NBAS: variants seen among roughly 807,000 people sequenced by gnomAD.
NBAS encodes NBAS subunit of NRZ tethering complex.
NBAS carries 219 observed loss-of-function variants against 302.5 expected under a neutral mutation model. That is an observed-to-expected ratio of 0.72 (90% confidence interval 0.65 to 0.81). The LOEUF is 0.81. NBAS is among the 30% of genes least tolerant of loss of function. The pLI is 0.00. For synonymous variants in NBAS, 1,118 were observed against 1,021.6 expected (o/e 1.09, Z -1.80); for missense variants, 2,932 against 2,841.6 (o/e 1.03, Z -0.72).
At chr2:14,895,050 A>T in the NBAS span, among the ~76,000 whole-genome samples, 4 of 152,080 alleles carry the variant, frequency 2.6e-5, no homozygotes, top group Non-Finnish European at 5.9e-5. Flanking sequence ...GCGAGACTCC[A>T]ACTCAAAAAC....
the NBAS span, among the ~76,000 whole-genome samples, chr2:15,003,341 T>G: frequency 6.6e-6 from 1 of 152,146 alleles, no homozygotes; most frequent in Non-Finnish European, 1.5e-5. Context: ...ATTCTTGTAT[T>G]TATTTGCCCA....
chr2:15,529,720 G>A (rs1270636000), intron 9 of NBAS, among the ~76,000 whole-genome samples: 1 of 152,098 alleles, frequency 6.6e-6, no homozygotes, highest in African/African-American at 2.4e-5. Flanking sequence ...GCATGTCACA[G>A]CAAAACAAAG....
At chr2:15,059,479 A>G in the NBAS span, among the ~76,000 whole-genome samples, 10 of 152,184 alleles carry the variant, frequency 6.6e-5, no homozygotes. Flanking sequence ...AGATAAGCAG[A>G]TGCCCCCAGA....
At chr2:15,438,301 G>A (rs1678133651) in intron 21 of NBAS, among the ~76,000 whole-genome samples, 1 of 152,130 alleles carries the variant, frequency 6.6e-6, no homozygotes, top group South Asian at 2.1e-4. Flanking sequence ...TAAATCATAT[G>A]TTATGGGAAA....
chr2:15,551,618 C>T lies in NBAS; in HGVS notation c.336-82G>A, dbSNP rs1447989436. On this transcript the variant is annotated intron_variant, in intron 5 of 51. Coordinates refer to ENST00000281513, the MANE Select transcript of NBAS (RefSeq NM_015909.4). ...AAAATACCAGATACTGTGGACTAGA[C>T]AGCCTCTATATACAATGCTCAATCA... 3.9e-6 allele frequency: 4 copies of T among 1,029,972 alleles called. No homozygotes were observed. In the Admixed American group the frequency reaches 8.1e-5, roughly 21 times the overall value. The allele number at this position is 1,029,972 out of a possible 1,614,324, so 63.8% of individuals were successfully genotyped here. A position where few individuals can be genotyped will look rare whatever the true frequency, so the allele number is the denominator to read the frequency against.
intron 21 of NBAS, among the ~76,000 whole-genome samples, chr2:15,429,050 A>C (rs958908297): frequency 1.4e-5 from 2 of 147,984 alleles, no homozygotes; most frequent in Admixed American, 6.8e-5. Context: ...AAAAAAAAAA[A>C]AGAATAAATT....
At chr2:15,499,040 C>T (rs1681181183) in intron 11 of NBAS, among the ~76,000 whole-genome samples, 3 of 151,858 alleles carry the variant, frequency 2.0e-5, no homozygotes, top group African/African-American at 7.3e-5. Flanking sequence ...ACAATCTTCC[C>T]ACCTCAGCCT....
chr2:15,001,309 TAC>T, the NBAS span, among the ~76,000 whole-genome samples: 6 of 152,078 alleles, frequency 3.9e-5, no homozygotes, highest in African/African-American at 1.2e-4. Context: ...ATATATGTTA[TAC>T]ACACACACAG....
At chr2:14,835,101 T>G in the NBAS span, among the ~76,000 whole-genome samples, 1,092 of 152,146 alleles carry the variant, frequency 7.2e-3, 12 homozygotes, top group African/African-American at 0.025. Context: ...ATCCCTGGCC[T>G]AGAAGACCAA....
intron 21 of NBAS, among the ~76,000 whole-genome samples, chr2:15,439,817 T>C (rs895251129): frequency 5.3e-5 from 8 of 152,186 alleles, no homozygotes; most frequent in African/African-American, 1.7e-4. Context: ...ACTGCGCTTT[T>C]CCAACAGGCT....
chr2:15,016,917 A>G, the NBAS span, among the ~76,000 whole-genome samples: 215 of 152,306 alleles, frequency 1.4e-3, no homozygotes, highest in African/African-American at 4.8e-3. Flanking sequence ...ATAGGCATGC[A>G]ATGCATAATA....
chr2:14,913,865 A>T, the NBAS span, among the ~76,000 whole-genome samples: 6 of 152,322 alleles, frequency 3.9e-5, no homozygotes, highest in Admixed American at 2.6e-4. Flanking sequence ...CCCATTGGTG[A>T]TGAAGGGATT....
At chr2:14,906,691 G>C in the NBAS span, among the ~76,000 whole-genome samples, 6 of 152,304 alleles carry the variant, frequency 3.9e-5, no homozygotes, top group African/African-American at 1.4e-4. Flanking sequence ...GGCAGAACAA[G>C]ACCCAATGGC....
At chr2:15,151,856 T>A in the NBAS span, among the ~76,000 whole-genome samples, 5 of 152,086 alleles carry the variant, frequency 3.3e-5, no homozygotes, top group African/African-American at 1.2e-4. Flanking sequence ...TTTTATTTTT[T>A]ATTTTTTTTG....
At chr2:15,133,912 C>T in the NBAS span, among the ~76,000 whole-genome samples, 1 of 152,046 alleles carries the variant, frequency 6.6e-6, no homozygotes, top group African/African-American at 2.4e-5. Flanking sequence ...AGGGATCAGC[C>T]TTTAGACTTT....
At chr2:15,050,058 C>T in the NBAS span, among the ~76,000 whole-genome samples, 1 of 152,130 alleles carries the variant, frequency 6.6e-6, no homozygotes, top group East Asian at 1.9e-4. Flanking sequence ...AGACAAATTC[C>T]GTTTCCTCTC....
At chr2:15,034,248 G>GAAAGAAAGAAAGAAAGAAAC in the NBAS span, among the ~76,000 whole-genome samples, 8 of 91,554 alleles carry the variant, frequency 8.7e-5, no homozygotes, top group South Asian at 3.8e-4. Context: ...AAGAAAGAAA[G>GAAAGAAAGAAAGAAAGAAAC]AAAGAAAGAA....
chr2:15,320,927 G>C (rs567884997), intron 38 of NBAS, among the ~76,000 whole-genome samples: 3 of 152,060 alleles, frequency 2.0e-5, no homozygotes, highest in African/African-American at 7.2e-5. Flanking sequence ...AAAAGAGCCC[G>C]CATTGCCAAG....
At chr2:15,209,484 T>C (rs977891706) in intron 48 of NBAS, among the ~76,000 whole-genome samples, 2 of 151,936 alleles carry the variant, frequency 1.3e-5, no homozygotes, top group African/African-American at 4.8e-5. Context: ...CAAAGACACA[T>C]TAAAAAAATA....
Sources: allele counts gnomAD v4.1 joint callset (sites outside exome capture counted in the v4.1 genomes callset), GRCh38; gene constraint gnomAD v4.1.1; transcripts MANE v1.5; gene names NCBI Gene and HGNC (gene_info 2026-07-23, HGNC 2026-07-21).